SH2D3C: variants seen among roughly 807,000 people sequenced by gnomAD.
The protein encoded by SH2D3C is SH2 domain-containing protein 3C.
Under a neutral mutation model 75.2 loss-of-function variants are expected in SH2D3C, and 25 were observed. The ratio of observed to expected loss-of-function variants is 0.33; its 90% CI spans 0.24 to 0.46. The LOEUF is 0.46. Ranked by LOEUF, SH2D3C falls within the 20% of genes least tolerant of loss-of-function variation. The pLI, the probability that SH2D3C is intolerant of heterozygous loss-of-function variation, is 1.00. For synonymous variants in SH2D3C, 450 were observed against 473.7 expected, an observed-to-expected ratio of 0.95 and a Z score of 0.65; for missense variants, 933 against 1,165.3, an observed-to-expected ratio of 0.80 and a Z score of 2.90.
At chr9:127,742,763 C>T (rs1361877917) in intron 8 of SH2D3C, 86 bp downstream of exon 8, 6 of 974,128 alleles carry the variant, frequency 6.2e-6, no homozygotes, top group Non-Finnish European at 7.5e-6. Context: ...CGAGCTGAGG[C>T]TGTGATTGGC....
Position 127,749,118 on chromosome 9 carries a change from A to C in SH2D3C, c.1139+93T>G. 2 of 932,256 alleles carry C rather than the reference A, an allele frequency of 2.1e-6. No individual in the cohort carries two copies. The highest frequency in any genetic ancestry group is 3.2e-6 in the Non-Finnish European group (2 of 616,890). The allele number at this position is 932,256 out of a possible 1,614,324, so 57.7% of individuals were successfully genotyped here. A position where few individuals can be genotyped will look rare whatever the true frequency, so the allele number is the denominator to read the frequency against. On this transcript the variant is annotated intron_variant, in intron 5 of 11. Coordinates refer to ENST00000314830, the MANE Select transcript of SH2D3C (RefSeq NM_170600.3). The surrounding 1 kb of genome is among the most constrained non-coding windows in gnomAD (Gnocchi z 5.9). Reference sequence around the variant, plus strand: ...TGCACACAGAGGCTCCAGGAGAGTAATTTCATCCCATTTCAGTGTACCTAG... The same window carrying C: ...TGCACACAGAGGCTCCAGGAGAGTACTTTCATCCCATTTCAGTGTACCTAG...
intron 2 of SH2D3C, among the ~76,000 whole-genome samples, chr9:127,765,398 A>G (rs10739695): frequency 0.52 from 78,758 of 152,044 alleles, 21,545 homozygotes; most frequent in East Asian, 0.97. Context: ...TCTAGACAAC[A>G]TCAGGAACCA....
intron 8 of SH2D3C, 41 bp downstream of exon 8, chr9:127,742,808 G>T (rs773955599): frequency 3.3e-6 from 5 of 1,503,204 alleles, no homozygotes; most frequent in Non-Finnish European, 4.6e-6. Flanking sequence ...TGCGGTAGCC[G>T]GGGGTTCCCC....
chr9:127,777,375 T>G (rs1220816610), intron 1 of SH2D3C, among the ~76,000 whole-genome samples: 1 of 152,062 alleles, frequency 6.6e-6, no homozygotes, highest in Non-Finnish European at 1.5e-5. Context: ...CTCACTGCTG[T>G]TGGGAATGTG....
chr9:127,755,697 G>C (rs1845362156), intron 3 of SH2D3C, among the ~76,000 whole-genome samples: 1 of 152,198 alleles, frequency 6.6e-6, no homozygotes, highest in Non-Finnish European at 1.5e-5. Context: ...TGGAATCAGA[G>C]ACTCTGCTGG....
At chr9:127,761,213 C>T (rs554766733) in intron 3 of SH2D3C, among the ~76,000 whole-genome samples, 17 of 152,306 alleles carry the variant, frequency 1.1e-4, no homozygotes, top group African/African-American at 4.1e-4. Context: ...TGCCCATTAT[C>T]TGTGATAAAG....
chr9:127,751,217 C>A lies in SH2D3C; in HGVS notation c.639G>T (p.Thr213=), dbSNP rs138483056. 2 of 1,614,186 alleles carry A rather than the reference C, an allele frequency of 1.2e-6. No individual in the cohort carries two copies. The highest frequency in any genetic ancestry group is 4.5e-5 in the East Asian group (2 of 44,890). The part of the protein sequence containing the change: ...ELEEELKLSS[T]DLRSHAWYHG... ...GGTACCAGGCATGGCTGCGGAGATC[C>A]GTGCTGCTGAGTTTGAGCTCCTCCT... is the stretch of plus-strand genomic sequence containing the variant. Residue 213 remains threonine, a synonymous_variant, in exon 4 of 12, where the codon ACG becomes ACT. Transcript: ENST00000314830. This position sits in a 1 kb window ranked among gnomAD's most constrained non-coding sequence, Gnocchi z 4.1.
intron 2 of SH2D3C, among the ~76,000 whole-genome samples, chr9:127,767,692 T>C (rs781261444): frequency 1.3e-5 from 2 of 152,130 alleles, no homozygotes; most frequent in Admixed American, 6.5e-5. Flanking sequence ...ACAGCATGAG[T>C]AGCTCCTGTT....
chr9:127,752,513 CT>C (rs981972210), intron 3 of SH2D3C, among the ~76,000 whole-genome samples: 2 of 152,058 alleles, frequency 1.3e-5, no homozygotes, highest in African/African-American at 4.8e-5. Flanking sequence ...CCAGGTGAGT[CT>C]CTCCCTGGGG....
chr9:127,761,554 G>C, intron 3 of SH2D3C, 57 bp downstream of exon 3: 1 of 1,287,312 alleles, frequency 7.8e-7, no homozygotes, highest in East Asian at 2.4e-5. Flanking sequence ...ACCCGTAATG[G>C]AGCAGGCTCT....
chr9:127,759,252 G>C (rs747869537), intron 3 of SH2D3C, among the ~76,000 whole-genome samples: 1 of 152,084 alleles, frequency 6.6e-6, no homozygotes, highest in Admixed American at 6.5e-5. Context: ...GTCTTGCTCT[G>C]TCGCCCAGGC....
At chr9:127,743,396 G>A (rs1564410581) in intron 7 of SH2D3C, among the ~76,000 whole-genome samples, 1 of 152,180 alleles carries the variant, frequency 6.6e-6, no homozygotes, top group Non-Finnish European at 1.5e-5. Context: ...CCAGCTACTC[G>A]GGAGGTTGGG....
chr9:127,756,606 T>C (rs1845384436), intron 3 of SH2D3C, among the ~76,000 whole-genome samples: 1 of 149,484 alleles, frequency 6.7e-6, no homozygotes, highest in Non-Finnish European at 1.5e-5. Context: ...GGAAGCTGAC[T>C]CCTCAAAGAT....
chr9:127,755,210 C>A, intron 3 of SH2D3C: 2 of 1,085,884 alleles, frequency 1.8e-6, no homozygotes, highest in Non-Finnish European at 2.2e-6. Flanking sequence ...CGGTGGCCGG[C>A]GGGGCAGGGG....
chr9:127,743,015 G>C, intron 7 of SH2D3C, 51 bp from the exon 8 acceptor site: 2 of 1,417,350 alleles, frequency 1.4e-6, no homozygotes, highest in Non-Finnish European at 9.9e-7. Flanking sequence ...GCTGGCCCCA[G>C]CCATCTGGGA....
At chr9:127,744,450 A>C in intron 7 of SH2D3C, 114 bp downstream of exon 7, 1 of 1,297,964 alleles carries the variant, frequency 7.7e-7, no homozygotes, top group South Asian at 1.4e-5. Context: ...ACAGCCATGG[A>C]GCTAGAATCC....
intron 3 of SH2D3C, among the ~76,000 whole-genome samples, chr9:127,757,087 C>T (rs1369975687): frequency 6.7e-6 from 1 of 149,130 alleles, no homozygotes; most frequent in African/African-American, 2.5e-5. Flanking sequence ...CAAGTGCCTG[C>T]CACCATGCTT....
intron 2 of SH2D3C, among the ~76,000 whole-genome samples, chr9:127,766,679 C>CT (rs1453453487): frequency 6.6e-6 from 1 of 152,230 alleles, no homozygotes; most frequent in African/African-American, 2.4e-5. Flanking sequence ...AAGTGATTCT[C>CT]TTGCCTCAGC....
intron 2 of SH2D3C, among the ~76,000 whole-genome samples, chr9:127,772,423 T>C (rs1202433483): frequency 6.6e-6 from 1 of 152,012 alleles, no homozygotes; most frequent in African/African-American, 2.4e-5. Flanking sequence ...TTTGTATTTT[T>C]AGTAGAGATA....
Sources: gnomAD v4.1 joint callset for allele counts (sites outside exome capture counted in the v4.1 genomes callset) on GRCh38, gnomAD v4.1.1 for gene constraint, Gnocchi (gnomAD v3.1) non-coding constraint, MANE v1.5 for transcripts, NCBI Gene and HGNC (gene_info 2026-07-23, HGNC 2026-07-21) for gene names.